The following SNX8 variants were observed in gnomAD, a reference collection of about 807,000 sequenced individuals.
SNX8 encodes sorting nexin-8.
Under a neutral mutation model 51.6 loss-of-function variants are expected in SNX8, and 25 were observed. The observed-to-expected ratio is 0.48, with a 90% CI of 0.35 to 0.68. The LOEUF is 0.68. Ranked by LOEUF, SNX8 falls within the 30% of genes least tolerant of loss-of-function variation. SNX8 has a pLI of 0.00. For missense variants in SNX8, 695 were observed against 624.0 expected, an observed-to-expected ratio of 1.11 and a Z score of -1.21; for synonymous variants, 324 against 277.0, an observed-to-expected ratio of 1.17 and a Z score of -1.68.
intron 2 of SNX8, among the ~76,000 whole-genome samples, chr7:2,275,702 A>T (rs921324447): frequency 2.0e-5 from 3 of 149,352 alleles, no homozygotes; most frequent in Admixed American, 1.3e-4. Context: ...ACCTTGTCTT[A>T]AAAAAATTAA....
chr7:2,317,945 T>C (rs1255060791), upstream of SNX8, among the ~76,000 whole-genome samples: 3 of 152,194 alleles, frequency 2.0e-5, no homozygotes, highest in Non-Finnish European at 4.4e-5. Flanking sequence ...TGATAGCTGC[T>C]TCCTTCCTCC....
chr7:2,268,714 G>C (rs1249313796), intron 5 of SNX8, among the ~76,000 whole-genome samples: 1 of 20,128 alleles, frequency 5.0e-5, no homozygotes, highest in African/African-American at 1.1e-4. Context: ...CGCCCCGTCC[G>C]GGAGGGAGGT....
At chr7:2,263,906 G>A (rs1487729568) in intron 6 of SNX8, among the ~76,000 whole-genome samples, 1 of 151,924 alleles carries the variant, frequency 6.6e-6, no homozygotes, top group African/African-American at 2.4e-5. Flanking sequence ...TAGTAGAGAC[G>A]GGTTTCACCA....
upstream of SNX8, among the ~76,000 whole-genome samples, chr7:2,316,625 T>A: frequency 7.0e-6 from 1 of 142,700 alleles, no homozygotes; most frequent in East Asian, 2.1e-4. Context: ...CTGCATTCAT[T>A]CACACAACCA....
At chr7:2,296,061 G>A (rs1420783771) in intron 1 of SNX8, among the ~76,000 whole-genome samples, 2 of 151,982 alleles carry the variant, frequency 1.3e-5, no homozygotes, top group East Asian at 3.9e-4. Context: ...TTGCCTTTTC[G>A]GGCTCATTGT....
At chr7:2,308,160 A>G (rs1377988182) in intron 1 of SNX8, among the ~76,000 whole-genome samples, 1 of 152,174 alleles carries the variant, frequency 6.6e-6, no homozygotes, top group Admixed American at 6.6e-5. Flanking sequence ...AAGAAATATA[A>G]TACAAAAATT....
intron 1 of SNX8, among the ~76,000 whole-genome samples, chr7:2,295,718 T>C (rs1796259661): frequency 1.3e-5 from 2 of 152,132 alleles, no homozygotes; most frequent in Non-Finnish European, 2.9e-5. Flanking sequence ...AGAGTTGTTA[T>C]AGTTTCAGGT....
Position 2,278,148 on chromosome 7 carries a change from C to T in SNX8, c.252G>A (p.Glu84=). ...CATGCTTCAGGAAGAGGCCCTTCTT[C>T]TCCGGAATGAGCTCCACCTGCACGG... ...RDTVQVELIP[E]KKGLFLKHVE... is the part of the protein sequence containing the mutation. The change falls in exon 2 of 11, where the codon GAG becomes GAA. Residue 84 remains glutamate, a synonymous_variant. Coordinates refer to ENST00000222990, the MANE Select transcript of SNX8 (RefSeq NM_013321.4). 2 of 1,614,186 alleles carry T rather than the reference C, an allele frequency of 1.2e-6. No individual in the cohort carries two copies. The highest frequency in any genetic ancestry group is 1.7e-6 in the Non-Finnish European group (2 of 1,180,030).
chr7:2,303,598 T>A (rs1216909831), intron 1 of SNX8, among the ~76,000 whole-genome samples: 1 of 152,242 alleles, frequency 6.6e-6, no homozygotes, highest in Non-Finnish European at 1.5e-5. Context: ...CTTTTCATTT[T>A]GTTCTGTACT....
At chr7:2,310,024 G>A (rs1014502460) in intron 1 of SNX8, 1 of 378,496 alleles carries the variant, frequency 2.6e-6, no homozygotes, top group Non-Finnish European at 5.4e-6. Context: ...GAATGCCATG[G>A]GATGAGCCGC....
At chr7:2,294,471 CT>C (rs893541705) in intron 1 of SNX8, among the ~76,000 whole-genome samples, 3 of 152,124 alleles carry the variant, frequency 2.0e-5, no homozygotes, top group African/African-American at 7.2e-5. Flanking sequence ...CCTAAAAACA[CT>C]GTAAGTAGGT....
chr7:2,297,351 G>A (rs934114201), intron 1 of SNX8, among the ~76,000 whole-genome samples: 5 of 151,520 alleles, frequency 3.3e-5, no homozygotes, highest in African/African-American at 9.7e-5. Context: ...AGGAGTTCGA[G>A]ACCAGCCTGG....
chr7:2,341,647 G>C (rs910125163), intron 1 of SNX8, among the ~76,000 whole-genome samples: 1 of 152,176 alleles, frequency 6.6e-6, no homozygotes, highest in Non-Finnish European at 1.5e-5. Context: ...ACTCCAACCT[G>C]GGTGATAGAG....
intron 5 of SNX8, among the ~76,000 whole-genome samples, chr7:2,267,522 C>A (rs1243395999): frequency 2.3e-5 from 3 of 130,624 alleles, no homozygotes; most frequent in African/African-American, 2.8e-5. Context: ...CTGTGTTGGC[C>A]GGGCCGGTCT....
chr7:2,342,160 T>C (rs1217882659), intron 1 of SNX8, among the ~76,000 whole-genome samples: 2 of 149,544 alleles, frequency 1.3e-5, no homozygotes, highest in Admixed American at 1.3e-4. Flanking sequence ...GCCTGGGCAA[T>C]AAGAGGGAAA....
chr7:2,273,776 C>T (rs1476526839), intron 3 of SNX8, among the ~76,000 whole-genome samples: 1 of 150,918 alleles, frequency 6.6e-6, no homozygotes, highest in Non-Finnish European at 1.5e-5. Flanking sequence ...TGGTGGCGGG[C>T]GCCTGTAGTC....
chr7:2,340,873 A>C lies in SNX8; in HGVS notation c.-66+13349T>G, dbSNP rs1005676428. Among the ~76,000 whole-genome samples the C allele has an allele frequency of 4.0e-5, 6 of 148,860 alleles. 1 individual carries two copies. Among genetic ancestry groups the C allele is most frequent in the Admixed American group, 1.3e-4 (2 of 14,824 alleles). ...CTGCTTCTCAAAAAAAAAAAAAAAA[A>C]AAAAAAAAAAACTCTAAAGCTAATC... On this transcript the variant is annotated intron_variant, in intron 1 of 5. Coordinates refer to the SNX8 transcript ENST00000435336.
chr7:2,286,620 G>A (rs891848593), intron 1 of SNX8, among the ~76,000 whole-genome samples: 7 of 150,830 alleles, frequency 4.6e-5, no homozygotes, highest in Admixed American at 2.0e-4. Context: ...CGGGGTTCAC[G>A]CCATTCTCCT....
intron 1 of SNX8, among the ~76,000 whole-genome samples, chr7:2,283,955 C>T (rs184297862): frequency 2.0e-5 from 3 of 152,280 alleles, no homozygotes; most frequent in Admixed American, 2.0e-4. Context: ...GCCACCATAC[C>T]TGGCTAATTT....
Sources: gnomAD v4.1 joint callset for allele counts (sites outside exome capture counted in the v4.1 genomes callset) on GRCh38, gnomAD v4.1.1 for gene constraint, MANE v1.5 for transcripts, NCBI Gene and HGNC (gene_info 2026-07-23, HGNC 2026-07-21) for gene names.